CEP170: variants seen among roughly 807,000 people sequenced by gnomAD.
CEP170 encodes the protein centrosomal protein of 170 kDa.
CEP170 carries 21 observed loss-of-function variants against 151.9 expected under a neutral mutation model. The observed-to-expected ratio is 0.14, with a 90% CI of 0.10 to 0.20. The LOEUF (loss-of-function observed/expected upper bound fraction) is 0.20. Among genes scored for constraint, CEP170 ranks in the 10% least tolerant of loss-of-function variants. CEP170 has a pLI of 1.00. For missense variants in CEP170, 964 were observed against 1,892.9 expected, an observed-to-expected ratio of 0.51 and a Z score of 9.11; for synonymous variants, 356 against 648.8, an observed-to-expected ratio of 0.55 and a Z score of 6.86.
chr1:243,255,535 G>A (rs74601612), upstream of CEP170, among the ~76,000 whole-genome samples: 10 of 152,356 alleles, frequency 6.6e-5, no homozygotes, highest in East Asian at 1.9e-3. Context: ...AGGTCCGGTT[G>A]CTGGGCATGC....
chr1:243,214,940 C>T (rs537840710), intron 3 of CEP170, among the ~76,000 whole-genome samples: 1 of 152,056 alleles, frequency 6.6e-6, no homozygotes, highest in African/African-American at 2.4e-5. Context: ...TGGATTATTG[C>T]CGGAAGTCAG....
intron 10 of CEP170, among the ~76,000 whole-genome samples, chr1:243,183,741 A>G (rs2059772984): frequency 6.6e-6 from 1 of 152,108 alleles, no homozygotes; most frequent in Non-Finnish European, 1.5e-5. Context: ...ACTTTGAACT[A>G]TGTACACAGT....
chr1:243,168,851 A>G (rs1187158356), intron 12 of CEP170, among the ~76,000 whole-genome samples: 3 of 151,984 alleles, frequency 2.0e-5, no homozygotes, highest in Non-Finnish European at 4.4e-5. Flanking sequence ...AAAGGTAATA[A>G]AAGTCATACT....
Position 243,221,790 on chromosome 1 carries a change from G to A in CEP170, c.129C>T (p.His43=), listed in dbSNP as rs766719946. The A allele has an allele frequency of 1.4e-5, 23 of 1,612,302 alleles. No homozygotes were observed. The highest frequency in any genetic ancestry group is 2.7e-5 in the African/African-American group (2 of 74,858). ...MLQSRSVDKQ[H]AVINYDASTD... is the part of the protein sequence containing the mutation. ...TAGACGCATCATAGTTGATGACAGCGTGTTGCTTATCCACACTACGAGACT... is the reference window on the plus strand; with the variant it reads ...TAGACGCATCATAGTTGATGACAGCATGTTGCTTATCCACACTACGAGACT... The change falls in exon 3 of 20, where the codon CAC becomes CAT. Residue 43 remains histidine, a synonymous_variant. Coordinates refer to ENST00000366542, the MANE Select transcript of CEP170 (RefSeq NM_014812.3).
chr1:243,153,358 C>A (rs1390583030), intron 14 of CEP170, among the ~76,000 whole-genome samples: 4 of 152,190 alleles, frequency 2.6e-5, no homozygotes, highest in Non-Finnish European at 2.9e-5. Flanking sequence ...TCTGGGAGGA[C>A]TGACTGCAGT....
intron 1 of CEP170, chr1:243,253,050 T>A (rs1190495976): frequency 2.0e-5 from 3 of 152,220 alleles, no homozygotes; most frequent in Non-Finnish European, 4.4e-5. Context: ...GAGTTGATCA[T>A]CATACTATTA....
chr1:243,148,155 G>A (rs2056709129), intron 14 of CEP170, among the ~76,000 whole-genome samples: 1 of 151,960 alleles, frequency 6.6e-6, no homozygotes, highest in Non-Finnish European at 1.5e-5. Flanking sequence ...CTCCAGCCTG[G>A]GCAACAGAAT....
intron 11 of CEP170, among the ~76,000 whole-genome samples, chr1:243,170,493 G>A (rs1201458685): frequency 1.3e-5 from 2 of 152,156 alleles, no homozygotes; most frequent in Non-Finnish European, 2.9e-5. Context: ...AAGAATAGTA[G>A]GTAAGAATAG....
chr1:243,143,589 G>A (rs897696525), intron 14 of CEP170, among the ~76,000 whole-genome samples: 2 of 151,874 alleles, frequency 1.3e-5, no homozygotes, highest in African/African-American at 2.4e-5. Context: ...AGACATTAAC[G>A]TTTTCCAAGC....
intron 14 of CEP170, among the ~76,000 whole-genome samples, chr1:243,149,902 GGTT>G (rs1462866893): frequency 2.0e-5 from 3 of 151,542 alleles, no homozygotes; most frequent in Non-Finnish European, 4.4e-5. Context: ...CAAGTAATTT[GGTT>G]TTTTACTGTT....
Position 243,246,226 on chromosome 1 carries a change from C to CTTTTTTTTT in CEP170, c.-42+8805_-42+8813dup, listed in dbSNP as rs774096892. Reference sequence around the variant, plus strand: ...GAAATGTCCATTACAGTGTTGTTTACTTTTTTTTTTTTTTTTTTTTTTTGA... The same window carrying CTTTTTTTTT: ...GAAATGTCCATTACAGTGTTGTTTACTTTTTTTTTTTTTTTTTTTTTTTTTTTTTTTTGA... On this transcript the variant is annotated intron_variant, in intron 1 of 19. Coordinates refer to ENST00000366542, the MANE Select transcript of CEP170 (RefSeq NM_014812.3). Among the ~76,000 whole-genome samples, 2 of 109,470 alleles carry CTTTTTTTTT rather than the reference C, an allele frequency of 1.8e-5. 1 individual carries two copies. The highest frequency in any genetic ancestry group is 7.7e-5 in the African/African-American group (2 of 25,940). 71.8% of individuals were successfully genotyped at this position (109,470 alleles called of 152,430 possible).
chr1:243,222,334 A>G (rs10926972), intron 2 of CEP170, among the ~76,000 whole-genome samples: 59,104 of 152,050 alleles, frequency 0.39, 11,994 homozygotes, highest in South Asian at 0.55. Context: ...TTCACGGGAC[A>G]GCTCTAAGAG....
chr1:243,175,888 C>T (rs1271903629), intron 10 of CEP170, among the ~76,000 whole-genome samples: 1 of 152,198 alleles, frequency 6.6e-6, no homozygotes, highest in Admixed American at 6.5e-5. Context: ...GCTCCGCCTC[C>T]CGGGTTCACG....
In CEP170 at chr1:243,205,321, T is replaced by A. The variant is rs540343408; in HGVS notation, c.275-4486A>T. Among the ~76,000 whole-genome samples the A allele has an allele frequency of 9.2e-5, 14 of 152,302 alleles. No homozygotes were observed. In the South Asian group the frequency reaches 2.9e-3, roughly 32 times the overall value. On this transcript the variant is annotated intron_variant, in intron 4 of 19. Coordinates refer to ENST00000366542, the MANE Select transcript of CEP170 (RefSeq NM_014812.3). Reference sequence around the variant, plus strand: ...TAGACTGTAAAACCTCATGCATGATTCATGAGTCACTGGGTAGAGCACAAG... The same window carrying A: ...TAGACTGTAAAACCTCATGCATGATACATGAGTCACTGGGTAGAGCACAAG...
intron 13 of CEP170, among the ~76,000 whole-genome samples, chr1:243,161,128 C>G (rs867390664): frequency 1.3e-5 from 2 of 150,240 alleles, no homozygotes; most frequent in East Asian, 3.9e-4. Context: ...TATGGTGAAG[C>G]CTCTCCTCTA....
Position 243,166,019 on chromosome 1 carries a change from C to T in CEP170, c.1941G>A (p.Gln647=), listed in dbSNP as rs778284972. ...CAAGAGACTTTTCTTCATTTGGAAG[C>T]TGGGGAAGAGTTCGTCTCCTTCTCT... The part of the protein sequence containing the change: ...QGERRRRTLP[Q]LPNEEKSLES... Residue 647 remains glutamine (Q), a synonymous_variant, in exon 13 of 20, where the codon CAG becomes CAA. Transcript: ENST00000366542. 3.1e-6 allele frequency: 5 copies of T among 1,613,088 alleles called. No homozygotes were observed. In the Admixed American group the frequency reaches 5.0e-5, roughly 16 times the overall value.
intron 10 of CEP170, among the ~76,000 whole-genome samples, chr1:243,180,891 C>T (rs1213587842): frequency 1.3e-5 from 2 of 152,070 alleles, no homozygotes; most frequent in Non-Finnish European, 2.9e-5. Flanking sequence ...GAAGAAAAGA[C>T]GCTAGTAAGA....
In CEP170 at chr1:243,193,290, C is replaced by T. The variant is rs2060429666; in HGVS notation, c.632-1796G>A. On this transcript the variant is annotated intron_variant, in intron 7 of 19. Coordinates refer to ENST00000366542, the MANE Select transcript of CEP170 (RefSeq NM_014812.3). ...GACATTGATTTTTTTTTACTATGCACAATGTACTGTACTTGATCAAGTCCA... is the reference window on the plus strand; with the variant it reads ...GACATTGATTTTTTTTTACTATGCATAATGTACTGTACTTGATCAAGTCCA... Among the ~76,000 whole-genome samples the T allele has an allele frequency of 2.6e-5, 4 of 152,020 alleles. No homozygotes were observed. In the South Asian group the frequency reaches 6.2e-4, roughly 24 times the overall value.
intron 10 of CEP170, chr1:243,175,096 C>G (rs1317894702): frequency 6.6e-6 from 1 of 151,980 alleles, no homozygotes; most frequent in East Asian, 1.9e-4. Context: ...CATTCTAATC[C>G]ACACTAAAAA....
Sources: gnomAD v4.1 joint callset for allele counts (sites outside exome capture counted in the v4.1 genomes callset) on GRCh38, gnomAD v4.1.1 for gene constraint, MANE v1.5 for transcripts, NCBI Gene and HGNC (gene_info 2026-07-23, HGNC 2026-07-21) for gene names.